DRC11L: variants seen among roughly 807,000 people sequenced by gnomAD.
The protein encoded by DRC11L is dynein regulatory complex subunit 11 like, also known as dynein regulatory complex subunit like-11.
the DRC11L span, chr7:151,203,255 A>C: frequency 3.0e-4 from 119 of 398,128 alleles, no homozygotes; most frequent in Non-Finnish European, 5.0e-4. Flanking sequence ...GGTTACCATC[A>C]GCAGAAGAAC....
chr7:151,196,033 A>T, the DRC11L span: 2 of 229,164 alleles, frequency 8.7e-6, no homozygotes, highest in East Asian at 1.8e-4. Context: ...CAGGAAAACC[A>T]CGGTACTTTC....
At chr7:151,196,698 T>C in the DRC11L span, 3 of 398,188 alleles carry the variant, frequency 7.5e-6, no homozygotes, top group South Asian at 2.8e-4. Context: ...CCCTGGCTGG[T>C]TGCCTTGTCC....
At chr7:151,198,422 G>GTGGA in the DRC11L span, among the ~76,000 whole-genome samples, 2 of 152,128 alleles carry the variant, frequency 1.3e-5, no homozygotes, top group Non-Finnish European at 2.9e-5. Context: ...AAAAGGGTGG[G>GTGGA]TGGATGGATG....
the DRC11L span, among the ~76,000 whole-genome samples, chr7:151,201,716 T>A: frequency 6.6e-6 from 1 of 151,700 alleles, no homozygotes; most frequent in Non-Finnish European, 1.5e-5. The surrounding 1 kb of genome is among the most constrained non-coding windows in gnomAD (Gnocchi z 4.1). Context: ...GCGGGGGAGA[T>A]TGATTTGAGA....
At chr7:151,202,940 G>A in the DRC11L span, 1 of 399,822 alleles carries the variant, frequency 2.5e-6, no homozygotes, top group Admixed American at 4.4e-5. Context: ...GCTTGGCCCT[G>A]ACTGAACTTG....
At chr7:151,196,575 G>C in the DRC11L span, 1 of 399,722 alleles carries the variant, frequency 2.5e-6, no homozygotes, top group Non-Finnish European at 4.4e-6. Context: ...AGAATGGATG[G>C]ATGCGTGAAG....
the DRC11L span, among the ~76,000 whole-genome samples, chr7:151,193,925 A>C: frequency 6.8e-6 from 1 of 147,636 alleles, no homozygotes; most frequent in Non-Finnish European, 1.5e-5. Context: ...AAAAAAAAGG[A>C]AGGCATGGGA....
the DRC11L span, chr7:151,204,440 C>G: frequency 2.5e-6 from 1 of 398,424 alleles, no homozygotes; most frequent in East Asian, 3.6e-5. Flanking sequence ...TGGTCAAGGC[C>G]GGTCCCACCC....
chr7:151,198,095 T>G, the DRC11L span, among the ~76,000 whole-genome samples: 1 of 138,048 alleles, frequency 7.2e-6, no homozygotes, highest in African/African-American at 2.8e-5. Context: ...GATGGAGAGG[T>G]GGGTAGAAGG....
chr7:151,192,434 T>G, the DRC11L span: 1 of 399,452 alleles, frequency 2.5e-6, no homozygotes, highest in Non-Finnish European at 4.4e-6. Context: ...GAGGTCCTTC[T>G]TTATCCGCTT....
the DRC11L span, chr7:151,202,993 C>G: frequency 2.5e-6 from 1 of 399,878 alleles, no homozygotes; most frequent in Non-Finnish European, 4.4e-6. Flanking sequence ...CTCCTCATCT[C>G]TTCGAATCTC....
the DRC11L span, chr7:151,193,049 C>T: frequency 5.0e-6 from 2 of 397,380 alleles, no homozygotes; most frequent in Non-Finnish European, 8.9e-6. Flanking sequence ...GGGGGAGCTG[C>T]ATATTCAGTC....
the DRC11L span, among the ~76,000 whole-genome samples, chr7:151,202,659 C>G: frequency 6.6e-6 from 1 of 152,128 alleles, no homozygotes; most frequent in African/African-American, 2.4e-5. Flanking sequence ...CAAGAGCAGC[C>G]TGGCCAACAT....
the DRC11L span, chr7:151,203,521 AG>A: frequency 1.0e-5 from 4 of 398,726 alleles, no homozygotes; most frequent in Non-Finnish European, 1.8e-5. Context: ...CAGCCTTTGG[AG>A]CAATGTTGGG....
the DRC11L span, chr7:151,194,580 G>A: frequency 1.0e-4 from 40 of 399,540 alleles, 1 homozygote; most frequent in South Asian, 6.4e-4. Flanking sequence ...CAAGCTCTTC[G>A]TACAGAGACT....
chr7:151,204,132 A>G, the DRC11L span, among the ~76,000 whole-genome samples: 1 of 152,136 alleles, frequency 6.6e-6, no homozygotes, highest in East Asian at 1.9e-4. Flanking sequence ...AGGAGGCTCT[A>G]AAGGACTCTC....
At chr7:151,203,540 G>A in the DRC11L span, 1 of 398,858 alleles carries the variant, frequency 2.5e-6, no homozygotes, top group Non-Finnish European at 4.4e-6. Flanking sequence ...GGGGGAGGAG[G>A]GTCAGGAATC....
the DRC11L span, chr7:151,198,030 A>G: frequency 5.7e-4 from 151 of 263,902 alleles, 1 homozygote; most frequent in African/African-American, 3.2e-3. Flanking sequence ...GGATAGATAG[A>G]TGGAGAGGTA....
chr7:151,196,549 A>G, the DRC11L span: 1 of 399,720 alleles, frequency 2.5e-6, no homozygotes, highest in Non-Finnish European at 4.4e-6. Context: ...CGGTTCTTCC[A>G]TGTATCTGAC....
Sources: allele counts gnomAD v4.1 joint callset (sites outside exome capture counted in the v4.1 genomes callset), GRCh38; gene constraint gnomAD v4.1.1; non-coding constraint Gnocchi (gnomAD v3.1); transcripts MANE v1.5; gene names NCBI Gene and HGNC (gene_info 2026-07-23, HGNC 2026-07-21).